Variants in ADAM9 observed in about 807,000 individuals in gnomAD.
The protein encoded by ADAM9 is ADAM metallopeptidase domain 9.
ADAM9 carries 54 observed loss-of-function variants against 108.1 expected under a neutral mutation model. The observed-to-expected ratio is 0.50, with a 90% CI of 0.40 to 0.63. The LOEUF is 0.63. ADAM9 is among the 20% of genes least tolerant of loss of function. The pLI, the probability that ADAM9 is intolerant of heterozygous loss-of-function variation, is 0.00. For missense variants in ADAM9, 830 were observed against 997.7 expected, an observed-to-expected ratio of 0.83 and a Z score of 2.26; for synonymous variants, 316 against 336.0, an observed-to-expected ratio of 0.94 and a Z score of 0.65.
At position 39,077,366 on chromosome 8, in the gene ADAM9, A is replaced by C; in HGVS notation, c.1836A>C (p.Pro612=). 6.2e-7 allele frequency: 1 copy of C among 1,613,914 alleles called. No homozygotes were observed. The highest frequency in any genetic ancestry group is 8.5e-7 in the Non-Finnish European group (1 of 1,179,858). ...GVDFQLGSDV[P]DPGMVNEGTK... is the part of the protein sequence containing the mutation. ...ATTTCCAGCTAGGATCAGATGTTCC[A>C]GATCCTGGGATGGTTAACGAAGGCA... Residue 612 remains proline, a synonymous_variant, in exon 16 of 22, where the codon CCA becomes CCC. Coordinates refer to ENST00000487273, the MANE Select transcript of ADAM9 (RefSeq NM_003816.3).
At chr8:39,016,055 A>G (rs990368527) in intron 4 of ADAM9, 63 bp from the exon 5 acceptor site, 3 of 1,490,122 alleles carry the variant, frequency 2.0e-6, no homozygotes, top group Non-Finnish European at 9.3e-7. Flanking sequence ...TAGCTCTGCA[A>G]TTTCTGTGAT....
chr8:39,017,850 C>T (rs1836592610), intron 6 of ADAM9, among the ~76,000 whole-genome samples: 1 of 152,210 alleles, frequency 6.6e-6, no homozygotes, highest in African/African-American at 2.4e-5. Context: ...GCCTCAGCTT[C>T]CCAAAGTGCT....
At chr8:39,073,236 TC>T (rs1207824878) in intron 15 of ADAM9, among the ~76,000 whole-genome samples, 3 of 152,244 alleles carry the variant, frequency 2.0e-5, no homozygotes, top group Non-Finnish European at 4.4e-5. Context: ...TTATATCTGT[TC>T]CTTCAATTTC....
chr8:39,009,367 G>A (rs1836270256), intron 2 of ADAM9, among the ~76,000 whole-genome samples: 1 of 152,232 alleles, frequency 6.6e-6, no homozygotes, highest in South Asian at 2.1e-4. Flanking sequence ...TGCCTCCTGA[G>A]TAGCTGGGAC....
chr8:39,043,145 T>C (rs1396364946), intron 12 of ADAM9, among the ~76,000 whole-genome samples: 1 of 152,180 alleles, frequency 6.6e-6, no homozygotes, highest in East Asian at 1.9e-4. Context: ...TATATGTATG[T>C]ATGTATGTAC....
intron 11 of ADAM9, among the ~76,000 whole-genome samples, chr8:39,036,467 G>A (rs911272900): frequency 6.6e-6 from 1 of 151,890 alleles, no homozygotes; most frequent in African/African-American, 2.4e-5. Flanking sequence ...TTGAATGATA[G>A]TTGAAATTTT....
intron 14 of ADAM9, among the ~76,000 whole-genome samples, chr8:39,057,871 G>A (rs1310407656): frequency 1.3e-5 from 2 of 152,048 alleles, no homozygotes; most frequent in Non-Finnish European, 2.9e-5. Context: ...GGATTCTGTG[G>A]CTCAGTCAAA....
chr8:39,023,580 G>A (rs1836817964), intron 9 of ADAM9, among the ~76,000 whole-genome samples: 2 of 151,682 alleles, frequency 1.3e-5, no homozygotes, highest in African/African-American at 2.4e-5. Context: ...TTTTGTGAAC[G>A]GATATATAGA....
intron 12 of ADAM9, among the ~76,000 whole-genome samples, chr8:39,044,822 T>G (rs1837563064): frequency 6.6e-6 from 1 of 152,058 alleles, no homozygotes; most frequent in East Asian, 1.9e-4. Context: ...TTCTTTTTTA[T>G]GGCTACATAT....
chr8:39,045,093 TATGTGTGTGTGC>T (rs1837613464), intron 12 of ADAM9, among the ~76,000 whole-genome samples: 1 of 23,644 alleles, frequency 4.2e-5, no homozygotes, highest in African/African-American at 2.0e-4. Context: ...CATACATACA[TATGTGTGTGTGC>T]ATACATACAT....
chr8:39,025,246 A>G (rs1836882039), intron 9 of ADAM9, among the ~76,000 whole-genome samples: 1 of 152,236 alleles, frequency 6.6e-6, no homozygotes, highest in Admixed American at 6.5e-5. Context: ...GTGCGCCACC[A>G]TGGCTGGCTA....
chr8:39,081,650 G>A (rs1839028048), intron 16 of ADAM9, among the ~76,000 whole-genome samples: 1 of 152,170 alleles, frequency 6.6e-6, no homozygotes, highest in Admixed American at 6.5e-5. Context: ...GAAAATTGGA[G>A]GAAACAGTGT....
chr8:39,071,418 G>A lies in ADAM9; in HGVS notation c.1697+15G>A, dbSNP rs185475790. The A allele has an allele frequency of 1.3e-3, 2,084 of 1,576,816 alleles. 3 individuals are homozygous for A. Among genetic ancestry groups the A allele is most frequent in the Non-Finnish European group, 1.7e-3 (1,932 of 1,146,790 alleles). On this transcript the variant is annotated intron_variant, in intron 15 of 21. Coordinates refer to ENST00000487273, the MANE Select transcript of ADAM9 (RefSeq NM_003816.3). The stretch of plus-strand genomic sequence containing the variant: ...TGTGCCACTGGGTAAGTGGAGGTGC[G>A]GTCATAATGGAATATGAAAGATTAT...
At chr8:39,033,951 GTATCCTGAGAATA>G (rs1424306300) in intron 11 of ADAM9, among the ~76,000 whole-genome samples, 5 of 152,120 alleles carry the variant, frequency 3.3e-5, no homozygotes, top group African/African-American at 1.2e-4. Flanking sequence ...GTGATCACAT[GTATCCTGAGAATA>G]TATACATCTA....
At chr8:39,074,943 C>T (rs1268043117) in intron 15 of ADAM9, among the ~76,000 whole-genome samples, 20 of 136,550 alleles carry the variant, frequency 1.5e-4, no homozygotes, top group African/African-American at 5.4e-4. Flanking sequence ...GCCTCACTCT[C>T]TCGCTCAGGC....
intron 13 of ADAM9, among the ~76,000 whole-genome samples, chr8:39,055,171 T>A (rs1230017098): frequency 6.6e-6 from 1 of 152,178 alleles, no homozygotes; most frequent in Non-Finnish European, 1.5e-5. Flanking sequence ...AAATCACTGG[T>A]GCAGAATATT....
intron 14 of ADAM9, among the ~76,000 whole-genome samples, chr8:39,060,799 G>A (rs1838275413): frequency 6.6e-6 from 1 of 152,190 alleles, no homozygotes; most frequent in African/African-American, 2.4e-5. Flanking sequence ...ATGACATGGG[G>A]CTCCAGAGTT....
intron 7 of ADAM9, 83 bp downstream of exon 7, chr8:39,019,001 A>G: frequency 8.0e-7 from 1 of 1,257,692 alleles, no homozygotes. Flanking sequence ...TAAACTACAC[A>G]TTGTTTGTAT....
intron 2 of ADAM9, among the ~76,000 whole-genome samples, chr8:39,008,959 A>C (rs1200878450): frequency 6.6e-6 from 1 of 152,248 alleles, no homozygotes; most frequent in Non-Finnish European, 1.5e-5. Flanking sequence ...GTAATAATGC[A>C]TAGAATTTAG....
Sources: gnomAD v4.1 joint callset for allele counts (sites outside exome capture counted in the v4.1 genomes callset) on GRCh38, gnomAD v4.1.1 for gene constraint, MANE v1.5 for transcripts, NCBI Gene and HGNC (gene_info 2026-07-23, HGNC 2026-07-21) for gene names.